TCAF1: variants seen among roughly 807,000 people sequenced by gnomAD.
TCAF1 encodes the protein TRPM8 channel associated factor 1.
TCAF1 carries 4 observed loss-of-function variants against 27.3 expected under a neutral mutation model. The observed-to-expected ratio is 0.15, with a 90% confidence interval of 0.07 to 0.34. The LOEUF (loss-of-function observed/expected upper bound fraction) is 0.34, where lower values mean the gene tolerates loss of function less well. TCAF1 is among the 10% of genes least tolerant of loss of function. TCAF1 has a pLI of 1.00. For missense variants in TCAF1, 257 were observed against 425.8 expected (o/e 0.60, Z 3.49); for synonymous variants, 105 against 167.1 (o/e 0.63, Z 2.87).
chr7:143,870,723 AAAATT>A (rs1451386997), intron 2 of TCAF1, among the ~76,000 whole-genome samples: 1 of 147,352 alleles, frequency 6.8e-6, no homozygotes, highest in African/African-American at 2.5e-5. Context: ...TTCATAAAAT[AAAATT>A]AAATAAACAA....
intron 1 of TCAF1, chr7:143,884,926 T>C (rs1392779080): frequency 3.4e-6 from 3 of 875,182 alleles, no homozygotes; most frequent in South Asian, 1.1e-4. Context: ...AAGAGACTGG[T>C]AGAAAGAAGC....
intron 1 of TCAF1, among the ~76,000 whole-genome samples, chr7:143,900,162 T>G (rs981771325): frequency 6.6e-6 from 1 of 152,174 alleles, no homozygotes; most frequent in South Asian, 2.1e-4. Context: ...ACAAGTGTAC[T>G]TGAATATTAG....
intron 1 of TCAF1, chr7:143,882,193 AAC>A (rs35872468): frequency 0.036 from 5,482 of 150,212 alleles, 123 homozygotes; most frequent in East Asian, 0.056. Flanking sequence ...CATGCGCGTA[AAC>A]ACACACACAC....
chr7:143,884,551 G>GC (rs1813290039), intron 1 of TCAF1, among the ~76,000 whole-genome samples: 1 of 152,086 alleles, frequency 6.6e-6, no homozygotes, highest in African/African-American at 2.4e-5. Flanking sequence ...TAACAGCACC[G>GC]CAAGTTAAAA....
At chr7:143,892,476 A>T (rs1053885200) in intron 1 of TCAF1, among the ~76,000 whole-genome samples, 25 of 152,034 alleles carry the variant, frequency 1.6e-4, no homozygotes, top group Admixed American at 9.8e-4. Flanking sequence ...GAAAATAACA[A>T]AGAAGAAATG....
intron 1 of TCAF1, chr7:143,885,367 G>T: frequency 4.1e-6 from 4 of 985,078 alleles, no homozygotes; most frequent in Non-Finnish European, 4.8e-6. Flanking sequence ...CAGTGCAGAC[G>T]GTTGGGGGTT....
intron 1 of TCAF1, among the ~76,000 whole-genome samples, chr7:143,888,234 G>A (rs549909675): frequency 2.0e-5 from 3 of 152,250 alleles, no homozygotes; most frequent in Non-Finnish European, 4.4e-5. Flanking sequence ...GGAAAGTAGA[G>A]AGTACACAAA....
intron 1 of TCAF1, among the ~76,000 whole-genome samples, chr7:143,890,217 T>A: frequency 6.6e-6 from 1 of 151,902 alleles, no homozygotes; most frequent in Non-Finnish European, 1.5e-5. Context: ...TTAGCCAGGA[T>A]GGTCTCGATT....
chr7:143,881,535 ATTGT>A (rs1247949327), intron 1 of TCAF1, among the ~76,000 whole-genome samples: 1 of 152,074 alleles, frequency 6.6e-6, no homozygotes, highest in African/African-American at 2.4e-5. Context: ...TTCACTTAAG[ATTGT>A]TTAATTCATA....
Position 143,882,693 on chromosome 7 carries a change from G to C in TCAF1, c.-14-6071C>G, listed in dbSNP as rs542550833. On this transcript the variant is annotated intron_variant, in intron 1 of 8. Coordinates refer to ENST00000479870, the MANE Select transcript of TCAF1 (RefSeq NM_014719.3). ...ACCCAGGCCGAGTCCACCGTTGCTG[G>C]CCCCTTCTCCAGCCTGCCAGGCTTT... The C allele has an allele frequency of 3.9e-4, 385 of 985,410 alleles. 4 individuals are homozygous for C. In the African/African-American group the frequency reaches 5.0e-3, roughly 13 times the overall value. 61.0% of individuals were successfully genotyped at this position (985,410 alleles called of 1,614,324 possible).
At chr7:143,889,989 C>T (rs994308056) in intron 1 of TCAF1, among the ~76,000 whole-genome samples, 13 of 152,080 alleles carry the variant, frequency 8.5e-5, no homozygotes, top group African/African-American at 2.9e-4. Flanking sequence ...GAAGGGCACC[C>T]ATTTTTCTTT....
chr7:143,876,115 C>G lies in TCAF1; in HGVS notation c.494G>C (p.Arg165Thr). 1 of 1,614,212 alleles carries G rather than the reference C, an allele frequency of 6.2e-7. No homozygotes were observed. Among genetic ancestry groups the G allele is most frequent in the Non-Finnish European group, 8.5e-7 (1 of 1,180,040 alleles). The change falls in exon 2 of 9, where the codon AGG (arginine) becomes ACG (threonine). Residue 165 changes from arginine to threonine, a missense_variant. Around this residue, in one of 2 missense-constraint regions of TCAF1, gnomAD observed 255 missense variants for 260.1 expected, o/e 0.98. Coordinates refer to ENST00000479870, the MANE Select transcript of TCAF1 (RefSeq NM_014719.3). ...GTTCCCAGGGAACGTGAACAGAACC[C>G]TTTCATCCTCCCCCTGGTTGGCCCA... Reference protein sequence around the residue: ...WDWANQGEDERVLFTFPGNLV... With the variant: ...WDWANQGEDETVLFTFPGNLV...
intron 1 of TCAF1, among the ~76,000 whole-genome samples, chr7:143,900,876 C>T (rs1248126469): frequency 3.9e-5 from 6 of 151,962 alleles, no homozygotes; most frequent in Non-Finnish European, 8.8e-5. Flanking sequence ...CTTAAGAATA[C>T]GTACAGGATA....
In TCAF1 at chr7:143,876,545, C is replaced by G. The variant is rs774689603; in HGVS notation, c.64G>C (p.Glu22Gln). 22 of 1,543,458 alleles carry G rather than the reference C, an allele frequency of 1.4e-5. No individual in the cohort carries two copies. The highest frequency in any genetic ancestry group is 1.9e-5 in the Non-Finnish European group (22 of 1,149,790). ...AGCAGTTCACATGGAACAGCATCTT[C>G]GGGTACATCCCAGCTTGTCACACCA... ...MNGVTSWDVP[E>Q]DAVPCELLLI... The change falls in exon 2 of 9, where the codon GAA becomes CAA. Residue 22 changes from glutamate to glutamine, a missense_variant. Glu to Gln is a conservative substitution (Grantham distance 29, BLOSUM62 2). Coordinates refer to ENST00000479870, the MANE Select transcript of TCAF1 (RefSeq NM_014719.3).
intron 1 of TCAF1, chr7:143,885,453 C>T (rs1210864349): frequency 3.0e-6 from 3 of 985,282 alleles, no homozygotes; most frequent in East Asian, 1.1e-4. Context: ...CGCAGAGGCC[C>T]GGCTTTGTGT....
rs1389268199 is a variant in TCAF1, at chr7:143,876,386, G to T, written c.223C>A (p.Pro75Thr). The T allele has an allele frequency of 1.2e-6, 2 of 1,613,972 alleles. No homozygotes were observed. The highest frequency in any genetic ancestry group is 2.7e-5 in the African/African-American group (2 of 74,922). Residue 75 changes from proline to threonine, a missense_variant, in exon 2 of 9, where the codon CCC (proline) becomes ACC (threonine). Pro to Thr is a conservative substitution (Grantham distance 38, BLOSUM62 -1). Transcript: ENST00000479870. ...CACCCCACTGCGTTCAGGAGAAAGG[G>T]CGTGAGCTGGGCTTCCACCAAGTAG... is the stretch of plus-strand genomic sequence containing the variant. ...EDYLVEAQLT[P>T]FLLNAVGWLC...
At chr7:143,897,178 T>TATATATATATATA (rs1813921456) in intron 1 of TCAF1, among the ~76,000 whole-genome samples, 1 of 72,740 alleles carries the variant, frequency 1.4e-5, no homozygotes, top group Non-Finnish European at 3.1e-5. Context: ...ATATATATAT[T>TATATATATATATA]CATATATAAA....
intron 1 of TCAF1, among the ~76,000 whole-genome samples, chr7:143,887,181 G>C (rs1366573637): frequency 6.6e-6 from 1 of 152,054 alleles, no homozygotes; most frequent in Non-Finnish European, 1.5e-5. Flanking sequence ...ATGAAATCCT[G>C]AAAGTATTCA....
chr7:143,883,748 G>T (rs1051169423), intron 1 of TCAF1, among the ~76,000 whole-genome samples: 3 of 151,950 alleles, frequency 2.0e-5, no homozygotes, highest in Non-Finnish European at 4.4e-5. Flanking sequence ...CAAGTGATCC[G>T]CCCGCCTCGG....
Sources: allele counts gnomAD v4.1 joint callset (sites outside exome capture counted in the v4.1 genomes callset), GRCh38; gene constraint gnomAD v4.1.1; regional missense constraint gnomAD v4.1.1; transcripts MANE v1.5; gene names NCBI Gene and HGNC (gene_info 2026-07-23, HGNC 2026-07-21).